Variants in BAZ2B observed in about 807,000 individuals in gnomAD.
The protein encoded by BAZ2B is bromodomain adjacent to zinc finger domain protein 2B.
Under a neutral mutation model 246.0 loss-of-function variants are expected in BAZ2B, and 91 were observed. The ratio of observed to expected loss-of-function variants is 0.37; its 90% CI spans 0.31 to 0.44. The LOEUF (loss-of-function observed/expected upper bound fraction) is 0.44. BAZ2B is among the 20% of genes least tolerant of loss of function. BAZ2B has a pLI of 1.00. For synonymous variants in BAZ2B, 855 were observed against 860.0 expected (o/e 0.99, Z 0.10); for missense variants, 2,332 against 2,533.7 (o/e 0.92, Z 1.71).
intron 20 of BAZ2B, among the ~76,000 whole-genome samples, chr2:159,392,395 ACTT>A (rs1374457163): frequency 1.3e-5 from 2 of 151,986 alleles, no homozygotes; most frequent in African/African-American, 4.8e-5. Flanking sequence ...ACATGGTAGT[ACTT>A]CTTGTTTTTG....
At chr2:159,454,139 A>G (rs959551978) in intron 3 of BAZ2B, among the ~76,000 whole-genome samples, 1 of 152,138 alleles carries the variant, frequency 6.6e-6, no homozygotes. Flanking sequence ...TATTTTCAAT[A>G]TATTTTACTC....
At chr2:159,688,161 T>G in the BAZ2B span, among the ~76,000 whole-genome samples, 1 of 152,200 alleles carries the variant, frequency 6.6e-6, no homozygotes, top group Admixed American at 6.5e-5. Flanking sequence ...TGCCTCAGCC[T>G]TCCGAGTACC....
intron 3 of BAZ2B, chr2:159,462,079 C>T (rs915192591): frequency 1.4e-4 from 34 of 247,544 alleles, no homozygotes; most frequent in African/African-American, 7.0e-4. Context: ...TCAGTAGCAG[C>T]GCTTCATGGC....
chr2:159,323,403 A>G (rs139181156), intron 36 of BAZ2B, among the ~76,000 whole-genome samples: 2,982 of 152,340 alleles, frequency 0.02, 45 homozygotes, highest in Non-Finnish European at 0.031. Context: ...GTTAAAATCA[A>G]GAGTTAATTT....
At chr2:159,438,091 T>G (rs2072739463) in intron 8 of BAZ2B, 1 of 488,200 alleles carries the variant, frequency 2.0e-6, no homozygotes, top group South Asian at 2.5e-5. Context: ...TGGAATGACA[T>G]GATTGCATTG....
At position 159,453,799 on chromosome 2, in the gene BAZ2B, G is replaced by A. The variant is rs374461504; in HGVS notation, c.148C>T (p.His50Tyr). 45 of 1,576,070 alleles carry A rather than the reference G, an allele frequency of 2.9e-5. No individual in the cohort carries two copies. The African/African-American group carries it at 5.7e-4, about 20-fold the overall frequency. Residue 50 changes from histidine (H) to tyrosine (Y), a missense_variant and splice_region_variant, in exon 4 of 37, where the codon CAT (histidine) becomes TAT (tyrosine). Around this residue, in one of 9 missense-constraint regions of BAZ2B, gnomAD observed 242 missense variants for 237.4 expected, o/e 1.02. Transcript: ENST00000392783. ...TGATCCCCAGCTGTTCTGAATAAATGTCCTGGGAGGGAAAAAAACACACTT... is the reference window on the plus strand; with the variant it reads ...TGATCCCCAGCTGTTCTGAATAAATATCCTGGGAGGGAAAAAAACACACTT... ...SLSSTINPCGHLFRTAGDQPF... is the reference protein window; with the variant it reads ...SLSSTINPCGYLFRTAGDQPF...
the BAZ2B span, among the ~76,000 whole-genome samples, chr2:159,671,659 T>C: frequency 1.4e-4 from 22 of 152,158 alleles, no homozygotes; most frequent in African/African-American, 4.1e-4. Flanking sequence ...ACTCAGTATA[T>C]TAGTCAAACT....
chr2:159,466,158 T>C (rs567123052), intron 3 of BAZ2B, among the ~76,000 whole-genome samples: 8 of 152,322 alleles, frequency 5.3e-5, no homozygotes, highest in Non-Finnish European at 1.2e-4. Context: ...ATTTTGACTT[T>C]CAGGTTTGTT....
intron 2 of BAZ2B, among the ~76,000 whole-genome samples, chr2:159,523,093 C>A (rs1284260384): frequency 6.6e-6 from 1 of 151,764 alleles, no homozygotes; most frequent in Non-Finnish European, 1.5e-5. Context: ...ACAACGAGAC[C>A]CCATCTCTAC....
At chr2:159,508,199 T>C (rs77756709) in intron 2 of BAZ2B, among the ~76,000 whole-genome samples, 45 of 152,318 alleles carry the variant, frequency 3.0e-4, no homozygotes, top group African/African-American at 1.1e-3. Context: ...TATGGGCTAT[T>C]ATACAGCCTC....
At chr2:159,347,694 C>T (rs2068124586) in intron 30 of BAZ2B, 48 bp from the exon 31 acceptor site, 1 of 1,451,662 alleles carries the variant, frequency 6.9e-7, no homozygotes, top group African/African-American at 1.4e-5. Flanking sequence ...TTAAGCTTTT[C>T]CCCACAGAGA....
the BAZ2B span, among the ~76,000 whole-genome samples, chr2:159,682,754 A>C: frequency 6.6e-6 from 1 of 152,180 alleles, no homozygotes; most frequent in African/African-American, 2.4e-5. Context: ...TCAACTCAAT[A>C]ATAGAACACC....
At chr2:159,492,537 C>G (rs1365004159) in intron 2 of BAZ2B, among the ~76,000 whole-genome samples, 2 of 152,084 alleles carry the variant, frequency 1.3e-5, no homozygotes, top group Non-Finnish European at 2.9e-5. Flanking sequence ...TTTCCCAGAG[C>G]CTTAGAGGAA....
At chr2:159,325,975 T>A (rs2063661279) in intron 34 of BAZ2B, 57 bp from the exon 35 acceptor site, 2 of 1,366,082 alleles carry the variant, frequency 1.5e-6, no homozygotes, top group Admixed American at 6.1e-5. Context: ...TACAGACCTA[T>A]TATTTTAAAT....
rs965317935 is a variant in BAZ2B at position 159,336,228 on chromosome 2, G to A, written c.5796+714C>T. Reference sequence around the variant, plus strand: ...ACATATAATAGATAATTCTATATATGATAATATAAAAGAGGCAAGAGGGAC... The same window carrying A: ...ACATATAATAGATAATTCTATATATAATAATATAAAAGAGGCAAGAGGGAC... On this transcript the variant is annotated intron_variant, in intron 33 of 36. Transcript: ENST00000392783. 9.6e-4 allele frequency among the ~76,000 whole-genome samples: 146 copies of A among 152,234 alleles called. 1 individual carries two copies. The highest frequency in any genetic ancestry group is 7.2e-4 in the Admixed American group (11 of 15,278).
intron 6 of BAZ2B, among the ~76,000 whole-genome samples, chr2:159,445,980 A>T (rs1283819924): frequency 6.6e-6 from 1 of 152,044 alleles, no homozygotes; most frequent in Admixed American, 6.6e-5. Context: ...TCGGTGTGGT[A>T]GCATGCACCT....
intron 3 of BAZ2B, among the ~76,000 whole-genome samples, chr2:159,457,220 G>T (rs1206505807): frequency 6.6e-6 from 1 of 152,094 alleles, no homozygotes; most frequent in East Asian, 1.9e-4. Flanking sequence ...GACAATCTCT[G>T]ACCTCAAGGA....
chr2:159,446,547 G>T (rs913756084), intron 6 of BAZ2B, among the ~76,000 whole-genome samples: 22 of 152,234 alleles, frequency 1.4e-4, no homozygotes, highest in Non-Finnish European at 2.4e-4. Flanking sequence ...AGAGTTAAAA[G>T]TTATATGAAA....
intron 1 of BAZ2B, among the ~76,000 whole-genome samples, chr2:159,588,400 T>C (rs965425758): frequency 2.0e-5 from 3 of 152,006 alleles, no homozygotes; most frequent in Non-Finnish European, 4.4e-5. Flanking sequence ...GGTTCATGCC[T>C]GTAATCTCAA....
Sources: gnomAD v4.1 joint callset for allele counts (sites outside exome capture counted in the v4.1 genomes callset) on GRCh38, gnomAD v4.1.1 for gene constraint, gnomAD v4.1.1 regional missense constraint, MANE v1.5 for transcripts, NCBI Gene and HGNC (gene_info 2026-07-23, HGNC 2026-07-21) for gene names.